ARSG: variants seen among roughly 807,000 people sequenced by gnomAD.
The protein encoded by ARSG is ASG.
Under a neutral mutation model 50.5 loss-of-function variants are expected in ARSG, and 37 were observed. The observed-to-expected ratio is 0.73, with a 90% CI of 0.56 to 0.96. ARSG has a LOEUF of 0.96. Among genes scored for constraint, ARSG ranks in the 50% least tolerant of loss-of-function variants. ARSG has a pLI of 0.00. For missense variants in ARSG, 629 were observed against 675.3 expected, an observed-to-expected ratio of 0.93 and a Z score of 0.76; for synonymous variants, 225 against 254.6, an observed-to-expected ratio of 0.88 and a Z score of 1.11.
At chr17:68,402,772 G>A (rs1004032936) in intron 11 of ARSG, among the ~76,000 whole-genome samples, 9 of 152,078 alleles carry the variant, frequency 5.9e-5, no homozygotes, top group African/African-American at 1.9e-4. Flanking sequence ...TGATCCACCC[G>A]CCTCGGCCTC....
At chr17:68,331,227 T>TTC (rs1419203723) in intron 2 of ARSG, among the ~76,000 whole-genome samples, 13 of 22,816 alleles carry the variant, frequency 5.7e-4, no homozygotes, top group Admixed American at 9.3e-4. Context: ...CTTTCTTTCT[T>TTC]TCTTTGTTTC....
the ARSG span, among the ~76,000 whole-genome samples, chr17:68,451,603 C>G: frequency 2.0e-5 from 3 of 152,188 alleles, no homozygotes; most frequent in Non-Finnish European, 4.4e-5. Context: ...TACCCTTTCC[C>G]TGAGAGATTT....
Position 68,395,209 on chromosome 17 carries a change from A to G in ARSG, c.1212+16A>G, listed in dbSNP as rs2081187354. ...TGGGCACAGGGTAAGTGGAGGAGGT[A>G]CTTGCCCACATGTAGGCTCTTTAGG... On this transcript the variant is annotated intron_variant, in intron 10 of 11. Coordinates refer to ENST00000621439, the MANE Select transcript of ARSG (RefSeq NM_001267727.2). 5 of 1,613,204 alleles carry G rather than the reference A, an allele frequency of 3.1e-6. No individual in the cohort carries two copies. The highest frequency in any genetic ancestry group is 4.2e-6 in the Non-Finnish European group (5 of 1,179,648).
chr17:68,391,307 T>G (rs2080981268), intron 9 of ARSG, among the ~76,000 whole-genome samples: 1 of 152,200 alleles, frequency 6.6e-6, no homozygotes, highest in African/African-American at 2.4e-5. Flanking sequence ...AAGGACTATT[T>G]GACAGCCCAA....
intron 8 of ARSG, among the ~76,000 whole-genome samples, chr17:68,371,272 T>C (rs12950146): frequency 0.52 from 74,118 of 143,830 alleles, 19,019 homozygotes; most frequent in African/African-American, 0.55. Context: ...GAGACAGAGC[T>C]GAGATCTGCA....
rs1004673031 is a variant in ARSG, at chr17:68,387,087, A to T, written c.1091+1915A>T. 3.7e-3 allele frequency among the ~76,000 whole-genome samples: 418 copies of T among 114,380 alleles called. 3 individuals carry two copies. The highest frequency in any genetic ancestry group is 0.015 in the African/African-American group (336 of 23,098). The allele number at this position is 114,380 out of a possible 152,430, so 75.0% of individuals were successfully genotyped here. On this transcript the variant is annotated intron_variant, in intron 9 of 11. Coordinates refer to ENST00000621439, the MANE Select transcript of ARSG (RefSeq NM_001267727.2). The stretch of plus-strand genomic sequence containing the variant: ...ACCTAATATATAGTGTATCACACAC[A>T]CACACACACACACACACACACACAC...
chr17:68,444,757 G>C, the ARSG span, among the ~76,000 whole-genome samples: 1 of 152,100 alleles, frequency 6.6e-6, no homozygotes, highest in Non-Finnish European at 1.5e-5. Context: ...ACATACACAT[G>C]TAATCATCCA....
At chr17:68,438,843 A>T in the ARSG span, among the ~76,000 whole-genome samples, 1 of 152,196 alleles carries the variant, frequency 6.6e-6, no homozygotes, top group Admixed American at 6.5e-5. Flanking sequence ...CAGGTGATCC[A>T]TCTGCCTCGG....
chr17:68,296,239 G>T (rs1555758156), intron 1 of ARSG, among the ~76,000 whole-genome samples: 1 of 152,126 alleles, frequency 6.6e-6, no homozygotes, highest in Non-Finnish European at 1.5e-5. Flanking sequence ...TGCCCCGATC[G>T]AGTCACGCTT....
chr17:68,422,143 T>G (rs982842607), downstream of ARSG: 1 of 267,582 alleles, frequency 3.7e-6, no homozygotes, highest in Non-Finnish European at 7.3e-6. Context: ...AAAAGTCAGT[T>G]TAGGCTGGGC....
chr17:68,334,560 T>C (rs547476678), intron 2 of ARSG, among the ~76,000 whole-genome samples: 2 of 152,256 alleles, frequency 1.3e-5, no homozygotes, highest in African/African-American at 2.4e-5. Flanking sequence ...GCCCATGATC[T>C]TTGCGGTGAG....
At chr17:68,443,121 TG>T in the ARSG span, among the ~76,000 whole-genome samples, 1 of 152,186 alleles carries the variant, frequency 6.6e-6, no homozygotes, top group Admixed American at 6.5e-5. Context: ...ATTTATTCAT[TG>T]TTTTTTGAGA....
chr17:68,346,672 G>A (rs1264176829), intron 3 of ARSG: 2 of 1,180,102 alleles, frequency 1.7e-6, no homozygotes, highest in East Asian at 5.8e-5. Flanking sequence ...GGCTGCTGAT[G>A]TTGGCCAGAG....
downstream of ARSG, chr17:68,421,667 G>A: frequency 6.6e-7 from 1 of 1,511,278 alleles, no homozygotes; most frequent in Admixed American, 1.7e-5. Context: ...CGGGATTCCT[G>A]CCCCCCTTTC....
At chr17:68,299,425 C>T (rs1029880067) in intron 1 of ARSG, among the ~76,000 whole-genome samples, 15 of 151,790 alleles carry the variant, frequency 9.9e-5, no homozygotes, top group African/African-American at 3.4e-4. Context: ...AACGTTGACA[C>T]GTAAACCACT....
chr17:68,334,160 A>G (rs982602976), intron 2 of ARSG, among the ~76,000 whole-genome samples: 1 of 152,118 alleles, frequency 6.6e-6, no homozygotes, highest in African/African-American at 2.4e-5. Context: ...AAGAGGGATC[A>G]ATGGCCTGCT....
At chr17:68,364,643 G>A (rs2079457460) in intron 6 of ARSG, among the ~76,000 whole-genome samples, 1 of 152,200 alleles carries the variant, frequency 6.6e-6, no homozygotes, top group Non-Finnish European at 1.5e-5. Flanking sequence ...TTACAAGTGT[G>A]AGGATAACCT....
intron 3 of ARSG, among the ~76,000 whole-genome samples, chr17:68,346,561 G>T (rs1287173716): frequency 6.6e-6 from 1 of 152,082 alleles, no homozygotes; most frequent in Non-Finnish European, 1.5e-5. Context: ...CACATTGCCC[G>T]ATTATTCCCC....
In ARSG at chr17:68,282,779, T is replaced by TAAAAAAAAAAAAAAAA. The variant is rs36155626; in HGVS notation, c.-552+23359_-552+23374dup. On this transcript the variant is annotated intron_variant, in intron 1 of 11. Transcript: ENST00000448504. ...CAACATAGTGAAACCCCATCTCTAC[T>TAAAAAAAAAAAAAAAA]AAAAAAAAAAAAAAAAAAAAAGGCC... 3.9e-4 allele frequency among the ~76,000 whole-genome samples: 21 copies of TAAAAAAAAAAAAAAAA among 53,404 alleles called. 2 individuals carry two copies. The highest frequency in any genetic ancestry group is 9.3e-4 in the African/African-American group (10 of 10,790). 35.0% of individuals were successfully genotyped at this position (53,404 alleles called of 152,430 possible). A position where few individuals can be genotyped will look rare whatever the true frequency, so the allele number is the denominator to read the frequency against.
Sources: allele counts gnomAD v4.1 joint callset (sites outside exome capture counted in the v4.1 genomes callset), GRCh38; gene constraint gnomAD v4.1.1; transcripts MANE v1.5; gene names NCBI Gene and HGNC (gene_info 2026-07-23, HGNC 2026-07-21).